CACNA2D3: variants seen among roughly 807,000 people sequenced by gnomAD.
CACNA2D3 encodes voltage-dependent calcium channel subunit alpha-2/delta-3.
CACNA2D3 carries 60 observed loss-of-function variants against 160.6 expected under a neutral mutation model. That is an observed-to-expected ratio of 0.37 (90% CI 0.30 to 0.46). The LOEUF (loss-of-function observed/expected upper bound fraction) is 0.46. CACNA2D3 is among the 20% of genes least tolerant of loss of function. The probability of loss-of-function intolerance (pLI) is 1.00; values close to 1 mark genes in which losing one functional copy is unlikely to be tolerated. For missense variants in CACNA2D3, 1,205 were observed against 1,365.0 expected (o/e 0.88, Z 1.85); for synonymous variants, 558 against 492.9 (o/e 1.13, Z -1.75).
At chr3:54,402,651 G>A (rs1699490249) in intron 4 of CACNA2D3, among the ~76,000 whole-genome samples, 1 of 152,102 alleles carries the variant, frequency 6.6e-6, no homozygotes, top group African/African-American at 2.4e-5. Context: ...TTGACATTAA[G>A]GGAGAAATAG....
intron 27 of CACNA2D3, among the ~76,000 whole-genome samples, chr3:54,907,948 C>A (rs1256454660): frequency 6.6e-6 from 1 of 152,120 alleles, no homozygotes; most frequent in Non-Finnish European, 1.5e-5. Context: ...TATGGATAGA[C>A]AACATTTAGC....
intron 11 of CACNA2D3, among the ~76,000 whole-genome samples, chr3:54,707,461 T>C (rs181757950): frequency 2.0e-5 from 3 of 152,336 alleles, no homozygotes; most frequent in Non-Finnish European, 4.4e-5. Context: ...TTCACACCCA[T>C]GTCCCAGTAC....
chr3:54,471,541 T>TA (rs1490119374), intron 4 of CACNA2D3, among the ~76,000 whole-genome samples: 1 of 151,472 alleles, frequency 6.6e-6, no homozygotes, highest in East Asian at 1.9e-4. Flanking sequence ...AGACAAGAAA[T>TA]AACTAAGATC....
rs927367508 is a variant in CACNA2D3, at chr3:54,137,113, G to A, written c.204+13519G>A. 2.6e-5 allele frequency among the ~76,000 whole-genome samples: 4 copies of A among 152,168 alleles called. No homozygotes were observed. The East Asian group carries it at 7.7e-4, about 29-fold the overall frequency. On this transcript the variant is annotated intron_variant, in intron 2 of 37. Coordinates refer to ENST00000474759, the MANE Select transcript of CACNA2D3 (RefSeq NM_018398.3). ...GCTGTGTTGTCCTGGGCCAGAGGCT[G>A]GAGCTGCTCTTCCCCTGAGCCAGGT...
rs764225426 is a variant in CACNA2D3 at position 54,637,964 on chromosome 3, T to G, written c.1054-4164T>G. 11 of 152,066 alleles carry G rather than the reference T, an allele frequency of 7.2e-5. 1 individual carries two copies. The highest frequency in any genetic ancestry group is 1.2e-4 in the Non-Finnish European group (8 of 68,046). The allele number at this position is 152,066 out of a possible 1,614,324, so 9.4% of individuals were successfully genotyped here. ...GTAGCAAGTTCCTGGGGGAGGAGGT[T>G]CTGGAGAAACGTCTGGCTGCTACAG... On this transcript the variant is annotated intron_variant, in intron 10 of 37. Coordinates refer to ENST00000474759, the MANE Select transcript of CACNA2D3 (RefSeq NM_018398.3).
chr3:54,208,359 C>T (rs779507221), intron 2 of CACNA2D3, among the ~76,000 whole-genome samples: 3 of 152,158 alleles, frequency 2.0e-5, no homozygotes, highest in African/African-American at 4.8e-5. Context: ...CTGTCTATCT[C>T]GGCCTTCCAA....
At chr3:54,169,724 AGT>A (rs1197529014) in intron 2 of CACNA2D3, among the ~76,000 whole-genome samples, 4 of 150,202 alleles carry the variant, frequency 2.7e-5, no homozygotes, top group African/African-American at 7.4e-5. Context: ...CATGTGTGCA[AGT>A]GTGCGTGTGT....
At chr3:54,858,641 G>A (rs1315362566) in intron 17 of CACNA2D3, among the ~76,000 whole-genome samples, 1 of 152,064 alleles carries the variant, frequency 6.6e-6, no homozygotes, top group East Asian at 1.9e-4. Context: ...GAGGAGACTC[G>A]ACTGGGCTGC....
At chr3:54,149,037 A>T (rs1444916542) in intron 2 of CACNA2D3, among the ~76,000 whole-genome samples, 2 of 151,684 alleles carry the variant, frequency 1.3e-5, no homozygotes, top group African/African-American at 4.8e-5. Flanking sequence ...CACAGGGAGA[A>T]GTGAGGGATC....
intron 3 of CACNA2D3, 81 bp from the exon 4 acceptor site, chr3:54,386,634 C>T: frequency 7.7e-7 from 1 of 1,301,376 alleles, no homozygotes; most frequent in Non-Finnish European, 1.1e-6. Flanking sequence ...TAATATGTCA[C>T]TTTTGGTCAA....
intron 2 of CACNA2D3, among the ~76,000 whole-genome samples, chr3:54,267,648 T>C (rs534786537): frequency 6.6e-6 from 1 of 152,338 alleles, no homozygotes; most frequent in South Asian, 2.1e-4. Flanking sequence ...AGGCTGATGT[T>C]AAGGTAAAAG....
chr3:54,517,523 C>T (rs556303858), intron 5 of CACNA2D3, among the ~76,000 whole-genome samples: 110 of 152,346 alleles, frequency 7.2e-4, no homozygotes, highest in African/African-American at 2.5e-3. Flanking sequence ...GAGTCAGCAT[C>T]GCAGACCACA....
chr3:54,624,561 C>A (rs1310090233), intron 9 of CACNA2D3, among the ~76,000 whole-genome samples: 1 of 152,124 alleles, frequency 6.6e-6, no homozygotes, highest in African/African-American at 2.4e-5. Context: ...GGCGGAGCTT[C>A]TGGTGAGCCG....
intron 4 of CACNA2D3, among the ~76,000 whole-genome samples, chr3:54,488,154 TAGAG>T (rs150823148): frequency 0.02 from 3,102 of 152,242 alleles, 85 homozygotes; most frequent in East Asian, 0.11. Flanking sequence ...CTGGTTGAGT[TAGAG>T]AGGGAGGAAA....
chr3:54,831,238 G>A (rs369753285), intron 14 of CACNA2D3, among the ~76,000 whole-genome samples: 4 of 152,282 alleles, frequency 2.6e-5, no homozygotes, highest in African/African-American at 7.2e-5. Context: ...AGGCGGCTCC[G>A]CTGAAAACCA....
At chr3:54,614,950 T>C (rs916156868) in intron 9 of CACNA2D3, among the ~76,000 whole-genome samples, 2 of 152,162 alleles carry the variant, frequency 1.3e-5, no homozygotes, top group South Asian at 2.1e-4. Context: ...AGAAAAGCCA[T>C]TGATGATACT....
chr3:54,573,778 G>A (rs1702537119), intron 8 of CACNA2D3, among the ~76,000 whole-genome samples: 1 of 152,204 alleles, frequency 6.6e-6, no homozygotes, highest in Non-Finnish European at 1.5e-5. Flanking sequence ...GAGATTCCTA[G>A]CTGGCTAATT....
In CACNA2D3 at chr3:54,835,560, G is replaced by A. The variant is rs1698659563; in HGVS notation, c.1399-1599G>A. 2.6e-5 allele frequency among the ~76,000 whole-genome samples: 4 copies of A among 152,300 alleles called. No individual in the cohort carries two copies. The South Asian group carries it at 8.3e-4, about 32-fold the overall frequency. ...CAGCCAGTCAATGGGGGCTTCAAAC[G>A]CTTAGATTTTAGGATCTTCTCTTTA... On this transcript the variant is annotated intron_variant, in intron 14 of 37. Transcript: ENST00000474759.
At chr3:54,322,598 G>A (rs544298080) in intron 3 of CACNA2D3, among the ~76,000 whole-genome samples, 21 of 152,178 alleles carry the variant, frequency 1.4e-4, no homozygotes. Flanking sequence ...CTGTATCTGT[G>A]TAAGGTGTTT....
Sources: gnomAD v4.1 joint callset for allele counts (sites outside exome capture counted in the v4.1 genomes callset) on GRCh38, gnomAD v4.1.1 for gene constraint, MANE v1.5 for transcripts, NCBI Gene and HGNC (gene_info 2026-07-23, HGNC 2026-07-21) for gene names.